Variants in DDR2 observed in about 807,000 individuals in gnomAD.
DDR2 encodes discoidin domain-containing receptor 2.
A neutral mutation model predicts 94.9 loss-of-function variants in DDR2; 27 were observed. The observed-to-expected ratio is 0.28, with a 90% CI of 0.21 to 0.39. DDR2 has a LOEUF of 0.39. DDR2 is among the 10% of genes least tolerant of loss of function. The probability of loss-of-function intolerance (pLI) is 1.00; values close to 1 mark genes in which losing one functional copy is unlikely to be tolerated. For synonymous variants in DDR2, 382 were observed against 377.2 expected, an observed-to-expected ratio of 1.01 and a Z score of -0.15; for missense variants, 783 against 1,076.0, an observed-to-expected ratio of 0.73 and a Z score of 3.81.
intron 2 of DDR2, among the ~76,000 whole-genome samples, chr1:162,658,662 C>CAAA (rs796958023): frequency 0.017 from 1,048 of 61,068 alleles, 26 homozygotes; most frequent in African/African-American, 0.055. Flanking sequence ...CTTGTCTGTA[C>CAAA]AAAAAAAAAA....
chr1:162,696,750 A>G (rs1260460323), intron 2 of DDR2, among the ~76,000 whole-genome samples: 1 of 150,758 alleles, frequency 6.6e-6, no homozygotes, highest in African/African-American at 2.4e-5. Flanking sequence ...TGTTTGCCCA[A>G]CTCTTCCTGC....
intron 9 of DDR2, among the ~76,000 whole-genome samples, chr1:162,763,012 T>C (rs192893949): frequency 1.3e-5 from 2 of 151,822 alleles, no homozygotes; most frequent in African/African-American, 4.8e-5. Flanking sequence ...AGTTTTTCTA[T>C]GTTTAGTAGA....
At chr1:162,671,286 G>A (rs904553270) in intron 2 of DDR2, among the ~76,000 whole-genome samples, 2 of 152,110 alleles carry the variant, frequency 1.3e-5, no homozygotes, top group Admixed American at 6.5e-5. Context: ...TTACTCCTTC[G>A]TTGCCCAGGA....
chr1:162,721,618 A>G (rs1221266507), intron 3 of DDR2, among the ~76,000 whole-genome samples: 1 of 152,228 alleles, frequency 6.6e-6, no homozygotes, highest in African/African-American at 2.4e-5. Context: ...TGATTTAAGG[A>G]TGACTCTTCA....
rs1478398849 is a variant in DDR2 at position 162,770,196 on chromosome 1, T to C, written c.1294-106T>C. The C allele has an allele frequency of 2.7e-6, 3 of 1,095,388 alleles. No individual in the cohort carries two copies. In the Middle Eastern group the frequency reaches 6.8e-4, roughly 246 times the overall value. 67.9% of individuals were successfully genotyped at this position (1,095,388 alleles called of 1,614,324 possible). ...GTGCAGTGTTGCTGGGGTTAAACAG[T>C]AGTAAAGAGTTATTTCATTTGAGTG... On this transcript the variant is annotated intron_variant, in intron 11 of 17. Transcript: ENST00000367921.
chr1:162,778,176 C>T (rs1647692223), intron 16 of DDR2, among the ~76,000 whole-genome samples: 1 of 152,154 alleles, frequency 6.6e-6, no homozygotes, highest in South Asian at 2.1e-4. Flanking sequence ...TATCACTGAA[C>T]TGGTAAATGA....
intron 4 of DDR2, among the ~76,000 whole-genome samples, chr1:162,753,776 C>T (rs1663328358): frequency 6.6e-6 from 1 of 152,182 alleles, no homozygotes; most frequent in Admixed American, 6.5e-5. Context: ...TCAATAAACT[C>T]CCTACTGCTC....
intron 2 of DDR2, among the ~76,000 whole-genome samples, chr1:162,669,043 A>G (rs919296610): frequency 5.3e-5 from 8 of 152,228 alleles, no homozygotes; most frequent in Non-Finnish European, 1.2e-4. Context: ...AAAGTACTTT[A>G]GTTCCTTTGG....
chr1:162,778,429 G>T (rs1276999226), intron 16 of DDR2, 151 bp from the exon 17 acceptor site: 13 of 919,794 alleles, frequency 1.4e-5, no homozygotes, highest in Non-Finnish European at 1.9e-5. Context: ...GAAAGAATGG[G>T]CTGTTTCTAA....
chr1:162,754,531 C>A, intron 4 of DDR2, 93 bp from the exon 5 acceptor site: 1 of 1,269,280 alleles, frequency 7.9e-7, no homozygotes, highest in Non-Finnish European at 1.1e-6. Flanking sequence ...CTGCTCTCTC[C>A]CCTCAGTACA....
intron 2 of DDR2, among the ~76,000 whole-genome samples, chr1:162,701,032 A>G (rs1357847967): frequency 6.6e-6 from 1 of 151,696 alleles, no homozygotes; most frequent in Admixed American, 6.6e-5. Context: ...CCTGATAAAT[A>G]ATTTAGGACT....
intron 2 of DDR2, among the ~76,000 whole-genome samples, chr1:162,697,986 A>C (rs192256783): frequency 4.3e-4 from 65 of 152,324 alleles, no homozygotes; most frequent in Non-Finnish European, 2.5e-4. Context: ...AACCCTAAAA[A>C]TCTATAGCTA....
In DDR2 at chr1:162,728,125, AC is replaced by A. The variant is rs1281992284; in HGVS notation, c.82+8981del. On this transcript the variant is annotated intron_variant, in intron 3 of 17. Coordinates refer to ENST00000367921, the MANE Select transcript of DDR2 (RefSeq NM_006182.4). ...TATATATCTATATATAGATATAATCACACTATATATATCTATATATAGATAT... is the reference window on the plus strand; with the variant it reads ...TATATATCTATATATAGATATAATCAACTATATATATCTATATATAGATAT... 7.7e-4 allele frequency among the ~76,000 whole-genome samples: 109 copies of A among 142,300 alleles called. 2 individuals are homozygous for A. In the East Asian group the frequency reaches 9.0e-3, roughly 12 times the overall value. 93.4% of individuals were successfully genotyped at this position (142,300 alleles called of 152,430 possible).
chr1:162,696,127 T>C (rs531958289), intron 2 of DDR2, among the ~76,000 whole-genome samples: 137 of 151,932 alleles, frequency 9.0e-4, no homozygotes, highest in Admixed American at 1.7e-3. Context: ...AGAGAAGTGA[T>C]AGTAAATTTC....
chr1:162,716,860 T>G (rs183390973), intron 2 of DDR2, among the ~76,000 whole-genome samples: 24 of 152,262 alleles, frequency 1.6e-4, no homozygotes, highest in Admixed American at 9.8e-4. Context: ...GTCTTGTCCA[T>G]CCTTCAAGAA....
intron 2 of DDR2, among the ~76,000 whole-genome samples, chr1:162,658,573 A>G (rs1204584755): frequency 6.7e-6 from 1 of 150,044 alleles, no homozygotes; most frequent in Non-Finnish European, 1.5e-5. Flanking sequence ...TCACGTCTGT[A>G]GTCCCAGCAC....
chr1:162,640,089 T>C (rs971280109), intron 1 of DDR2, among the ~76,000 whole-genome samples: 1 of 151,908 alleles, frequency 6.6e-6, no homozygotes, highest in African/African-American at 2.4e-5. Flanking sequence ...TCGCCCAGGC[T>C]GGAGTGCAGT....
Position 162,787,221 on chromosome 1 carries a change from GTTC to G in DDR2, c.*6980_*6982del, listed in dbSNP as rs1361914666. 6.6e-6 allele frequency: 1 copy of G among 151,916 alleles called. No homozygotes were observed. The highest frequency in any genetic ancestry group is 1.5e-5 in the Non-Finnish European group (1 of 68,004). 9.4% of individuals were successfully genotyped at this position (151,916 alleles called of 1,614,324 possible). A position where few individuals can be genotyped will look rare whatever the true frequency, so the allele number is the denominator to read the frequency against. On this transcript the variant is annotated 3_prime_UTR_variant, in exon 18 of 18. Coordinates refer to ENST00000367921, the MANE Select transcript of DDR2 (RefSeq NM_006182.4). ...AGATGGGATCATTGTGTACCCTATT[GTTC>G]TTCTGATTTCCAGGAGAACAGAATG... is the stretch of plus-strand genomic sequence containing the variant.
intron 2 of DDR2, among the ~76,000 whole-genome samples, chr1:162,691,837 A>G (rs143429632): frequency 2.0e-5 from 3 of 152,354 alleles, no homozygotes; most frequent in African/African-American, 7.2e-5. Context: ...GAAGATACAT[A>G]AATTGCCATG....
Sources: allele counts gnomAD v4.1 joint callset (sites outside exome capture counted in the v4.1 genomes callset), GRCh38; gene constraint gnomAD v4.1.1; transcripts MANE v1.5; gene names NCBI Gene and HGNC (gene_info 2026-07-23, HGNC 2026-07-21).